The following ANKS1A variants were observed in gnomAD, a reference collection of about 807,000 sequenced individuals.
ANKS1A encodes the protein ankyrin repeat and SAM domain-containing protein 1A.
A neutral mutation model predicts 120.3 loss-of-function variants in ANKS1A; 55 were observed. The ratio of observed to expected loss-of-function variants is 0.46; its 90% CI spans 0.37 to 0.57. ANKS1A has a LOEUF of 0.57. Among genes scored for constraint, ANKS1A ranks in the 20% least tolerant of loss-of-function variants. The pLI is 0.00. For missense variants in ANKS1A, 1,123 were observed against 1,480.3 expected (o/e 0.76, Z 3.96); for synonymous variants, 590 against 604.7 (o/e 0.98, Z 0.36).
Position 35,084,162 on chromosome 6 carries a change from G to A in ANKS1A, c.3036G>A (p.Ala1012=), listed in dbSNP as rs541338558. The change falls in exon 21 of 24, where the codon GCG becomes GCA. Residue 1012 remains alanine, a synonymous_variant. Transcript: ENST00000360359. This position sits in a 1 kb window ranked among gnomAD's most constrained non-coding sequence, Gnocchi z 4.8. ...ACGAGATCCGGAACATTTCCTGTGC[G>A]GCCCAGGACCCGGAGGACCTCTGTA... The part of the protein sequence containing the change: ...AEHEIRNISC[A]AQDPEDLCTF... The A allele has an allele frequency of 2.9e-5, 47 of 1,614,158 alleles. No individual in the cohort carries two copies. Among genetic ancestry groups the A allele is most frequent in the African/African-American group, 5.3e-5 (4 of 75,036 alleles).
chr6:34,986,181 A>G (rs1772191216), intron 8 of ANKS1A, among the ~76,000 whole-genome samples: 1 of 152,230 alleles, frequency 6.6e-6, no homozygotes, highest in African/African-American at 2.4e-5. Context: ...TGGTTTTGTG[A>G]GTACTGGAAG....
chr6:34,994,461 G>C (rs1195399201), intron 10 of ANKS1A, 39 bp downstream of exon 10: 1 of 1,599,848 alleles, frequency 6.3e-7, no homozygotes, highest in Non-Finnish European at 8.5e-7. Context: ...CAACTCCAAA[G>C]GGATTTTTAA....
intron 1 of ANKS1A, among the ~76,000 whole-genome samples, chr6:34,904,949 T>A (rs1402712961): frequency 6.6e-6 from 1 of 152,192 alleles, no homozygotes; most frequent in Non-Finnish European, 1.5e-5. Flanking sequence ...TAGCTGGGAT[T>A]ACAGGTGTGT....
chr6:34,999,613 A>G (rs1773047045), intron 10 of ANKS1A, among the ~76,000 whole-genome samples: 1 of 152,208 alleles, frequency 6.6e-6, no homozygotes, highest in Admixed American at 6.5e-5. Context: ...CTTTGTGTGA[A>G]ATAGACTGGC....
intron 1 of ANKS1A, among the ~76,000 whole-genome samples, chr6:34,915,773 C>A (rs770254378): frequency 1.3e-5 from 2 of 152,090 alleles, no homozygotes; most frequent in Non-Finnish European, 2.9e-5. Flanking sequence ...GCTTGCTGTA[C>A]TTCCATTTTG....
chr6:35,065,476 G>A (rs1052933455), intron 13 of ANKS1A, among the ~76,000 whole-genome samples: 4 of 152,240 alleles, frequency 2.6e-5, no homozygotes, highest in Non-Finnish European at 4.4e-5. Context: ...CAGCAGAGGC[G>A]TCTTTCCTGG....
At chr6:34,996,630 G>T (rs1289444735) in intron 10 of ANKS1A, among the ~76,000 whole-genome samples, 1 of 151,938 alleles carries the variant, frequency 6.6e-6, no homozygotes, top group African/African-American at 2.4e-5. Flanking sequence ...GTGCTACCAC[G>T]CCCAGCTAAT....
At chr6:35,064,508 TA>T (rs1776668526) in intron 13 of ANKS1A, among the ~76,000 whole-genome samples, 1 of 152,192 alleles carries the variant, frequency 6.6e-6, no homozygotes, top group South Asian at 2.1e-4. Flanking sequence ...GCCAAAGGCA[TA>T]AGCTGGGGCC....
At chr6:34,991,669 T>C (rs573959242) in intron 9 of ANKS1A, among the ~76,000 whole-genome samples, 8 of 35,830 alleles carry the variant, frequency 2.2e-4, no homozygotes, top group African/African-American at 4.7e-4. Context: ...CACATATATA[T>C]ACACATATAT....
chr6:34,941,384 T>C (rs866706320), intron 1 of ANKS1A, among the ~76,000 whole-genome samples: 10 of 152,100 alleles, frequency 6.6e-5, no homozygotes, highest in African/African-American at 2.4e-4. Context: ...ACTTGGCTTT[T>C]TCCGTTTTTT....
intron 1 of ANKS1A, among the ~76,000 whole-genome samples, chr6:34,955,310 T>C (rs1581744506): frequency 6.6e-6 from 1 of 152,048 alleles, no homozygotes; most frequent in East Asian, 1.9e-4. Flanking sequence ...CTAATTTTTG[T>C]ATTTTTAGTA....
At chr6:35,021,638 T>C (rs565664872) in intron 11 of ANKS1A, among the ~76,000 whole-genome samples, 1 of 152,286 alleles carries the variant, frequency 6.6e-6, no homozygotes, top group East Asian at 1.9e-4. Context: ...ACTATCTTGC[T>C]TGGAGCTGCA....
chr6:34,953,934 C>G (rs1389130890), intron 1 of ANKS1A, among the ~76,000 whole-genome samples: 1 of 152,104 alleles, frequency 6.6e-6, no homozygotes, highest in Non-Finnish European at 1.5e-5. Flanking sequence ...AGTTGTGCAA[C>G]AGAAACAATC....
At chr6:35,096,029 A>C (rs971707058), downstream of ANKS1A, among the ~76,000 whole-genome samples, 2 of 152,166 alleles carry the variant, frequency 1.3e-5, no homozygotes, top group Non-Finnish European at 2.9e-5. Context: ...AGAGGGCCTC[A>C]CTCCATTTGT....
At chr6:34,923,242 G>A (rs1307254478) in intron 1 of ANKS1A, among the ~76,000 whole-genome samples, 2 of 152,162 alleles carry the variant, frequency 1.3e-5, no homozygotes, top group East Asian at 3.9e-4. Context: ...TGCCTTGAGG[G>A]GCTTTGCAGC....
At chr6:35,061,707 A>AT (rs1002248580) in intron 13 of ANKS1A, among the ~76,000 whole-genome samples, 2 of 152,070 alleles carry the variant, frequency 1.3e-5, no homozygotes, top group South Asian at 2.1e-4. Context: ...TAAAATAGCA[A>AT]TTTTTTTTCT....
intron 9 of ANKS1A, among the ~76,000 whole-genome samples, chr6:34,993,564 T>C (rs1455773273): frequency 6.6e-6 from 1 of 152,248 alleles, no homozygotes. Flanking sequence ...TTTAAAATTG[T>C]ATTAACATAA....
At chr6:35,000,314 A>G (rs1773095925) in intron 10 of ANKS1A, among the ~76,000 whole-genome samples, 1 of 152,208 alleles carries the variant, frequency 6.6e-6, no homozygotes, top group African/African-American at 2.4e-5. Context: ...GGTCTTATTA[A>G]TAGCAAAGGA....
intron 3 of ANKS1A, among the ~76,000 whole-genome samples, chr6:34,970,669 T>C (rs1042838891): frequency 6.6e-6 from 1 of 152,186 alleles, no homozygotes; most frequent in Non-Finnish European, 1.5e-5. Context: ...CAAAATTGCA[T>C]GGAGTCAGTT....
Sources: allele counts gnomAD v4.1 joint callset (sites outside exome capture counted in the v4.1 genomes callset), GRCh38; gene constraint gnomAD v4.1.1; non-coding constraint Gnocchi (gnomAD v3.1); transcripts MANE v1.5; gene names NCBI Gene and HGNC (gene_info 2026-07-23, HGNC 2026-07-21).